Variants in GRIN2A observed in about 807,000 individuals in gnomAD.
The protein encoded by GRIN2A is glutamate ionotropic receptor NMDA type subunit 2A.
A neutral mutation model predicts 113.4 loss-of-function variants in GRIN2A; 22 were observed. The observed-to-expected ratio is 0.19, with a 90% CI of 0.14 to 0.28. GRIN2A has a LOEUF of 0.28. Ranked by LOEUF, GRIN2A falls within the 10% of genes least tolerant of loss-of-function variation. The probability of loss-of-function intolerance (pLI) is 1.00; values close to 1 mark genes in which losing one functional copy is unlikely to be tolerated. For missense variants in GRIN2A, 1,502 were observed against 1,887.0 expected, an observed-to-expected ratio of 0.80 and a Z score of 3.78; for synonymous variants, 827 against 738.4, an observed-to-expected ratio of 1.12 and a Z score of -1.94.
intron 2 of GRIN2A, among the ~76,000 whole-genome samples, chr16:10,010,799 C>G (rs1424353527): frequency 6.6e-6 from 1 of 152,152 alleles, no homozygotes; most frequent in Non-Finnish European, 1.5e-5. Flanking sequence ...TACCTTGTCT[C>G]TCCAGGGAGG....
intron 3 of GRIN2A, among the ~76,000 whole-genome samples, chr16:9,925,419 C>T (rs550915620): frequency 1.7e-4 from 26 of 152,286 alleles, no homozygotes; most frequent in Admixed American, 4.6e-4. Flanking sequence ...TTATGTTGAG[C>T]AGTATTCAGC....
intron 2 of GRIN2A, among the ~76,000 whole-genome samples, chr16:10,084,880 C>A (rs1212621293): frequency 6.6e-6 from 1 of 152,128 alleles, no homozygotes; most frequent in Non-Finnish European, 1.5e-5. Flanking sequence ...TAGTAGACAA[C>A]AGTCTACTGA....
chr16:9,833,463 A>T (rs1487611788), intron 8 of GRIN2A, among the ~76,000 whole-genome samples: 1 of 152,208 alleles, frequency 6.6e-6, no homozygotes, highest in East Asian at 1.9e-4. Context: ...ACTGAAGTTG[A>T]AACCCATGAC....
chr16:10,142,429 G>C (rs2049346083), intron 2 of GRIN2A, among the ~76,000 whole-genome samples: 2 of 152,200 alleles, frequency 1.3e-5, no homozygotes, highest in Non-Finnish European at 1.5e-5. Flanking sequence ...AGGCATAGTG[G>C]CTCATGCCTG....
intron 2 of GRIN2A, among the ~76,000 whole-genome samples, chr16:10,056,106 A>T (rs916785557): frequency 1.3e-5 from 2 of 152,218 alleles, no homozygotes; most frequent in African/African-American, 4.8e-5. Flanking sequence ...TGCAGAGAAA[A>T]CCAGGCAACA....
rs547413739 is a variant in GRIN2A, at chr16:9,845,055, A to C, written c.1329-3951T>G. ...TCCCTATAGGAAATGCAATTGATCTAATCTTCTTTAATGTTGGGATTAGTG... is the reference window on the plus strand; with the variant it reads ...TCCCTATAGGAAATGCAATTGATCTCATCTTCTTTAATGTTGGGATTAGTG... On this transcript the variant is annotated intron_variant, in intron 5 of 12. Transcript: ENST00000330684. Among the ~76,000 whole-genome samples, 100 of 152,242 alleles carry C rather than the reference A, an allele frequency of 6.6e-4. 2 individuals carry two copies. The South Asian group carries it at 0.018, about 27-fold the overall frequency.
intron 2 of GRIN2A, among the ~76,000 whole-genome samples, chr16:10,003,468 GA>G: frequency 6.6e-6 from 1 of 152,298 alleles, no homozygotes; most frequent in South Asian, 2.1e-4. Flanking sequence ...AATAAAAAGA[GA>G]AAAAACGAAC....
intron 8 of GRIN2A, among the ~76,000 whole-genome samples, chr16:9,829,866 C>T (rs1429952968): frequency 6.6e-6 from 1 of 151,976 alleles, no homozygotes; most frequent in African/African-American, 2.4e-5. Context: ...TGGATTTTTG[C>T]CACATTTCTT....
chr16:10,015,295 G>GAAAAAA (rs2046588998), intron 2 of GRIN2A, among the ~76,000 whole-genome samples: 3 of 101,764 alleles, frequency 2.9e-5, no homozygotes, highest in Non-Finnish European at 4.2e-5. Flanking sequence ...AAAAAGAAAG[G>GAAAAAA]AAAGGAAAAG....
chr16:9,910,857 A>G (rs1375952740), intron 3 of GRIN2A, among the ~76,000 whole-genome samples: 1 of 151,988 alleles, frequency 6.6e-6, no homozygotes, highest in African/African-American at 2.4e-5. Flanking sequence ...TTTTGATTCA[A>G]TCTTCTGCCC....
At position 10,146,149 on chromosome 16, in the gene GRIN2A, G is replaced by A. The variant is rs991991562; in HGVS notation, c.414+33849C>T. Reference sequence around the variant, plus strand: ...CATTTTTTTTTTGAGATGGAGTCTCGCTCTGTCGCCCAGACTGGAGTGCAG... The same window carrying A: ...CATTTTTTTTTTGAGATGGAGTCTCACTCTGTCGCCCAGACTGGAGTGCAG... On this transcript the variant is annotated intron_variant, in intron 2 of 12. Coordinates refer to ENST00000330684, the MANE Select transcript of GRIN2A (RefSeq NM_001134407.3). 5.9e-5 allele frequency among the ~76,000 whole-genome samples: 9 copies of A among 151,958 alleles called. 1 individual carries two copies. The highest frequency in any genetic ancestry group is 4.6e-4 in the Admixed American group (7 of 15,266).
At chr16:9,824,542 A>G (rs2042351329) in intron 9 of GRIN2A, among the ~76,000 whole-genome samples, 9 of 152,182 alleles carry the variant, frequency 5.9e-5, no homozygotes, top group Admixed American at 5.9e-4. Context: ...GTTGCACAGT[A>G]ACAGAGATAG....
chr16:9,994,288 C>T (rs1275798266), intron 2 of GRIN2A, among the ~76,000 whole-genome samples: 1 of 152,152 alleles, frequency 6.6e-6, no homozygotes, highest in Non-Finnish European at 1.5e-5. Flanking sequence ...TCAGCTATTT[C>T]AAGGGGTGAC....
At chr16:10,173,751 G>A (rs1175565961) in intron 2 of GRIN2A, among the ~76,000 whole-genome samples, 2 of 152,160 alleles carry the variant, frequency 1.3e-5, no homozygotes, top group African/African-American at 4.8e-5. Context: ...GGTATGAACT[G>A]AACACTCTGC....
At chr16:9,789,290 T>C (rs1902441314) in intron 11 of GRIN2A, among the ~76,000 whole-genome samples, 1 of 152,180 alleles carries the variant, frequency 6.6e-6, no homozygotes, top group Non-Finnish European at 1.5e-5. Flanking sequence ...GCCCTCTTCA[T>C]CATAAACCAG....
intron 2 of GRIN2A, among the ~76,000 whole-genome samples, chr16:10,087,630 G>C (rs1596491743): frequency 6.6e-6 from 1 of 152,168 alleles, no homozygotes. Context: ...TGATACAACA[G>C]TTAAATTATA....
rs573789919 is a variant in GRIN2A, at chr16:9,998,328, T to C, written c.415-59777A>G. ...ACTGTATGATTCCATTCACATAAAA[T>C]GTCCAGAATAGGCAAATCCATAGAG... On this transcript the variant is annotated intron_variant, in intron 2 of 12. Transcript: ENST00000330684. Among the ~76,000 whole-genome samples the C allele has an allele frequency of 1.1e-4, 17 of 152,272 alleles. No homozygotes were observed. The South Asian group carries it at 3.5e-3, about 32-fold the overall frequency.
At chr16:10,152,020 T>G (rs1226431156) in intron 2 of GRIN2A, among the ~76,000 whole-genome samples, 1 of 152,174 alleles carries the variant, frequency 6.6e-6, no homozygotes, top group African/African-American at 2.4e-5. Context: ...GCTCTTGTCC[T>G]TCGTCCTGAG....
chr16:9,892,562 C>T (rs2043715620), intron 3 of GRIN2A, among the ~76,000 whole-genome samples: 1 of 152,124 alleles, frequency 6.6e-6, no homozygotes, highest in African/African-American at 2.4e-5. Flanking sequence ...CTAGAATCTA[C>T]CTTATATAAC....
Sources: allele counts gnomAD v4.1 joint callset (sites outside exome capture counted in the v4.1 genomes callset), GRCh38; gene constraint gnomAD v4.1.1; transcripts MANE v1.5; gene names NCBI Gene and HGNC (gene_info 2026-07-23, HGNC 2026-07-21).